Variants in HDAC8 observed in about 807,000 individuals in gnomAD.
HDAC8 encodes the protein histone deacetylase 8, also known as histone deacetylase-like 1.
In HDAC8, 1 loss-of-function variant was observed where a neutral mutation model predicts 32.2. The ratio of observed to expected loss-of-function variants is 0.03; its 90% CI spans 0.01 to 0.15. The LOEUF (loss-of-function observed/expected upper bound fraction) is 0.15. Among genes scored for constraint, HDAC8 ranks in the 10% least tolerant of loss-of-function variants. The pLI, the probability that HDAC8 is intolerant of heterozygous loss-of-function variation, is 1.00. For missense variants in HDAC8, 117 were observed against 300.0 expected (o/e 0.39, Z 4.51); for synonymous variants, 108 against 113.9 (o/e 0.95, Z 0.33).
At chrX:72,429,111 T>C (rs2046741315) in intron 9 of HDAC8, among the ~76,000 whole-genome samples, 1 of 109,065 alleles carries the variant, frequency 9.2e-6, no homozygotes, top group Admixed American at 9.7e-5. Context: ...CCTTGTCCTG[T>C]TGTACTCCTC....
chrX:72,481,495 ATAGT>A (rs782410048), intron 7 of HDAC8, among the ~76,000 whole-genome samples: 2 of 111,852 alleles, frequency 1.8e-5, no homozygotes, highest in Admixed American at 9.5e-5. Context: ...ATCGCTTAAA[ATAGT>A]TATTTATGAA....
chrX:72,382,737 G>T (rs5958787), intron 9 of HDAC8, among the ~76,000 whole-genome samples: 2,110 of 111,332 alleles, frequency 0.019, 52 homozygotes, highest in African/African-American at 0.065. Flanking sequence ...GGGGGTCGGG[G>T]GAGAGGAGAT....
chrX:72,519,717 G>C (rs782350264), intron 4 of HDAC8, among the ~76,000 whole-genome samples: 2 of 111,331 alleles, frequency 1.8e-5, no homozygotes, highest in South Asian at 7.6e-4. Context: ...AGCCCCTCAA[G>C]TAGCTGGGAC....
chrX:72,353,956 T>C (rs1429548171), intron 9 of HDAC8, among the ~76,000 whole-genome samples: 1 of 111,772 alleles, frequency 8.9e-6, no homozygotes, highest in Non-Finnish European at 1.9e-5. Flanking sequence ...TAGGGCTGAG[T>C]GTTTGGAACA....
chrX:72,421,270 T>C (rs1460292923), intron 9 of HDAC8, among the ~76,000 whole-genome samples: 1 of 111,605 alleles, frequency 9.0e-6, no homozygotes, highest in African/African-American at 3.3e-5. Context: ...ATGTGGAGGT[T>C]TGTTACACAG....
Position 72,461,986 on chromosome X carries a change from T to C in HDAC8, c.1005+18A>G, listed in dbSNP as rs1275189277. The C allele has an allele frequency of 1.7e-6, 2 of 1,150,223 alleles. No individual in the cohort carries two copies. The highest frequency in any genetic ancestry group is 2.4e-6 in the Non-Finnish European group (2 of 839,977). The allele number at this position is 1,150,223 out of a possible 1,213,427, so 94.8% of individuals were successfully genotyped here. A position where few individuals can be genotyped will look rare whatever the true frequency, so the allele number is the denominator to read the frequency against. ...TCTTCCCCTTAAAGAAGAGAGGACTTGTCAGAGCCTTACTTACCTCATGAT... is the reference window on the plus strand; with the variant it reads ...TCTTCCCCTTAAAGAAGAGAGGACTCGTCAGAGCCTTACTTACCTCATGAT... On this transcript the variant is annotated intron_variant, in intron 9 of 10. Coordinates refer to ENST00000373573, the MANE Select transcript of HDAC8 (RefSeq NM_018486.3).
At chrX:72,454,684 A>G (rs182936059) in intron 9 of HDAC8, among the ~76,000 whole-genome samples, 50 of 112,500 alleles carry the variant, frequency 4.4e-4, no homozygotes, top group Non-Finnish European at 9.0e-4. Context: ...GAACTCAAAT[A>G]GCCAAGAATT....
At chrX:72,441,384 T>A (rs2047140511) in intron 9 of HDAC8, among the ~76,000 whole-genome samples, 1 of 111,659 alleles carries the variant, frequency 9.0e-6, no homozygotes, top group Non-Finnish European at 1.9e-5. Context: ...TTCACGAAAA[T>A]CCACTCTTCT....
intron 9 of HDAC8, among the ~76,000 whole-genome samples, chrX:72,429,522 A>C (rs1271268287): frequency 8.0e-5 from 9 of 112,238 alleles, no homozygotes; most frequent in African/African-American, 2.9e-4. Context: ...CCAATGCCAG[A>C]AACCCACATT....
At chrX:72,375,568 G>C (rs1220257386) in intron 9 of HDAC8, among the ~76,000 whole-genome samples, 1 of 109,734 alleles carries the variant, frequency 9.1e-6, no homozygotes, top group African/African-American at 3.3e-5. Flanking sequence ...ATTGAGAGAC[G>C]GGAGGGGAGG....
chrX:72,462,361 C>T (rs1555992084), intron 8 of HDAC8: 5 of 255,509 alleles, frequency 2.0e-5, no homozygotes, highest in African/African-American at 1.4e-4. Context: ...AAAATATGTA[C>T]CTGAGGAATC....
Position 72,371,858 on chromosome X carries a change from C to T in HDAC8, c.1006-20020G>A, listed in dbSNP as rs1044770524. Among the ~76,000 whole-genome samples, 8 of 111,860 alleles carry T rather than the reference C, an allele frequency of 7.2e-5. No individual in the cohort carries two copies. In the South Asian group the frequency reaches 1.1e-3, roughly 16 times the overall value. On this transcript the variant is annotated intron_variant, in intron 9 of 10. Coordinates refer to ENST00000373573, the MANE Select transcript of HDAC8 (RefSeq NM_018486.3). Reference sequence around the variant, plus strand: ...GCAGTGAACAAAACAAAGTCTCTGCCTTCAGGGAGCTCACATTTTAGTGGG... The same window carrying T: ...GCAGTGAACAAAACAAAGTCTCTGCTTTCAGGGAGCTCACATTTTAGTGGG...
chrX:72,341,555 G>A (rs1211532547), intron 10 of HDAC8, among the ~76,000 whole-genome samples: 1 of 111,741 alleles, frequency 8.9e-6, no homozygotes, highest in Non-Finnish European at 1.9e-5. Flanking sequence ...CCTTTTGAAA[G>A]TTGAATCTGT....
chrX:72,342,211 C>T lies in HDAC8; in HGVS notation c.1111+9522G>A, dbSNP rs782509998. Reference sequence around the variant, plus strand: ...AACCAGGAGCCTGTAAAGATACTTTCCTTTCTCAAAAGACTGTGAGCTCCT... The same window carrying T: ...AACCAGGAGCCTGTAAAGATACTTTTCTTTCTCAAAAGACTGTGAGCTCCT... On this transcript the variant is annotated intron_variant, in intron 10 of 10. Transcript: ENST00000373573. Among the ~76,000 whole-genome samples the T allele has an allele frequency of 4.3e-4, 49 of 112,853 alleles. No homozygotes were observed. In the South Asian group the frequency reaches 0.018, roughly 41 times the overall value.
intron 9 of HDAC8, among the ~76,000 whole-genome samples, chrX:72,440,804 C>A (rs2047112116): frequency 8.9e-6 from 1 of 112,050 alleles, no homozygotes; most frequent in Admixed American, 9.4e-5. Flanking sequence ...ACAGACAGCA[C>A]CTGGAAAATC....
At chrX:72,362,309 C>T (rs781843102) in intron 9 of HDAC8, among the ~76,000 whole-genome samples, 1 of 111,958 alleles carries the variant, frequency 8.9e-6, no homozygotes, top group East Asian at 2.8e-4. Context: ...GGCCATGTGA[C>T]ATGCTGGCTC....
intron 10 of HDAC8, among the ~76,000 whole-genome samples, chrX:72,337,797 G>T (rs1361187348): frequency 8.9e-6 from 1 of 111,789 alleles, no homozygotes; most frequent in Non-Finnish European, 1.9e-5. Context: ...TGCAGGGGCC[G>T]GTCCCTTGCC....
intron 7 of HDAC8, among the ~76,000 whole-genome samples, chrX:72,478,068 T>C (rs2048388505): frequency 8.9e-6 from 1 of 112,730 alleles, no homozygotes; most frequent in Non-Finnish European, 1.9e-5. Context: ...AATAAGCATT[T>C]CTTACATACA....
intron 9 of HDAC8, among the ~76,000 whole-genome samples, chrX:72,353,162 T>A (rs1216680529): frequency 8.9e-6 from 1 of 111,886 alleles, no homozygotes; most frequent in Non-Finnish European, 1.9e-5. Context: ...TTGTTAAGAG[T>A]CTGAATGTAC....
Sources: gnomAD v4.1 joint callset for allele counts (sites outside exome capture counted in the v4.1 genomes callset) on GRCh38, gnomAD v4.1.1 for gene constraint, MANE v1.5 for transcripts, NCBI Gene and HGNC (gene_info 2026-07-23, HGNC 2026-07-21) for gene names.